The following EPHA6 variants were observed in gnomAD, a reference collection of about 807,000 sequenced individuals.
The protein encoded by EPHA6 is ephrin type-A receptor 6.
A neutral mutation model predicts 112.0 loss-of-function variants in EPHA6; 50 were observed. That is an observed-to-expected ratio of 0.45 (90% CI 0.36 to 0.56). EPHA6 has a LOEUF of 0.56. EPHA6 is among the 20% of genes least tolerant of loss of function. The pLI is 0.00. For synonymous variants in EPHA6, 529 were observed against 490.7 expected, an observed-to-expected ratio of 1.08 and a Z score of -1.03; for missense variants, 1,280 against 1,417.4, an observed-to-expected ratio of 0.90 and a Z score of 1.56.
intron 13 of EPHA6, among the ~76,000 whole-genome samples, chr3:97,628,806 T>C (rs1406110569): frequency 6.6e-6 from 1 of 152,054 alleles, no homozygotes; most frequent in Non-Finnish European, 1.5e-5. Context: ...TTAGCACACT[T>C]TTCTTGTAAA....
At chr3:97,533,708 C>G in intron 11 of EPHA6, among the ~76,000 whole-genome samples, 1 of 151,704 alleles carries the variant, frequency 6.6e-6, no homozygotes, top group South Asian at 2.1e-4. Context: ...TGTCCTCTTG[C>G]CACACTCTTT....
chr3:97,183,610 A>C (rs1360086934), intron 3 of EPHA6, among the ~76,000 whole-genome samples: 1 of 152,076 alleles, frequency 6.6e-6, no homozygotes. Flanking sequence ...TCAATATCTC[A>C]TGTTTTCTTT....
chr3:97,103,026 T>C (rs1318548210), intron 3 of EPHA6, among the ~76,000 whole-genome samples: 4 of 152,184 alleles, frequency 2.6e-5, no homozygotes, highest in African/African-American at 9.6e-5. Context: ...TGCTAGATAT[T>C]ACATCTTTGT....
At chr3:97,145,265 C>T (rs557816934) in intron 3 of EPHA6, among the ~76,000 whole-genome samples, 2 of 151,188 alleles carry the variant, frequency 1.3e-5, no homozygotes, top group African/African-American at 4.8e-5. Flanking sequence ...CACAAGAGAA[C>T]TTACTCTAAT....
intron 13 of EPHA6, among the ~76,000 whole-genome samples, chr3:97,616,675 G>A (rs1481987994): frequency 6.6e-6 from 1 of 151,806 alleles, no homozygotes; most frequent in Non-Finnish European, 1.5e-5. Context: ...ATAGAGGGAA[G>A]AATCTCAGAA....
At chr3:97,445,198 G>A (rs1050478011) in intron 6 of EPHA6, among the ~76,000 whole-genome samples, 2 of 151,976 alleles carry the variant, frequency 1.3e-5, no homozygotes, top group Admixed American at 6.6e-5. Context: ...CTCACAATTG[G>A]TGCTATTTTC....
chr3:97,039,837 T>C (rs2045251796), intron 3 of EPHA6, among the ~76,000 whole-genome samples: 2 of 152,042 alleles, frequency 1.3e-5, no homozygotes, highest in Admixed American at 1.3e-4. Flanking sequence ...CCTTGTAATA[T>C]AATTGGACAC....
At chr3:97,608,345 C>A (rs1560186028) in intron 12 of EPHA6, among the ~76,000 whole-genome samples, 2 of 151,212 alleles carry the variant, frequency 1.3e-5, no homozygotes, top group Non-Finnish European at 3.0e-5. Flanking sequence ...TAGATCAGAT[C>A]TTGTTGAAAT....
At chr3:97,508,023 T>G (rs1361972990) in intron 10 of EPHA6, among the ~76,000 whole-genome samples, 1 of 152,142 alleles carries the variant, frequency 6.6e-6, no homozygotes, top group Non-Finnish European at 1.5e-5. Context: ...TATCATTTTT[T>G]GGGTGTGTCT....
chr3:96,867,903 C>T (rs2036410069), intron 2 of EPHA6, among the ~76,000 whole-genome samples: 1 of 151,910 alleles, frequency 6.6e-6, no homozygotes, highest in African/African-American at 2.4e-5. Flanking sequence ...CTCTCTTTAA[C>T]AGCCCATTTG....
intron 10 of EPHA6, among the ~76,000 whole-genome samples, chr3:97,511,103 C>T (rs1161984658): frequency 6.6e-6 from 1 of 152,166 alleles, no homozygotes; most frequent in Admixed American, 6.5e-5. Flanking sequence ...TGGATCTTAG[C>T]TTTCTGGGCT....
intron 1 of EPHA6, among the ~76,000 whole-genome samples, chr3:96,863,507 T>C (rs968415730): frequency 2.0e-5 from 3 of 152,048 alleles, no homozygotes; most frequent in African/African-American, 7.2e-5. Context: ...ATTTGGAATC[T>C]TATTTTTTTA....
At chr3:97,008,965 T>C (rs943709771) in intron 3 of EPHA6, among the ~76,000 whole-genome samples, 1 of 152,130 alleles carries the variant, frequency 6.6e-6, no homozygotes, top group East Asian at 1.9e-4. Flanking sequence ...GAGATACCAT[T>C]CATGGAGGCT....
At chr3:97,612,336 G>T in intron 13 of EPHA6, 1 of 389,636 alleles carries the variant, frequency 2.6e-6, no homozygotes, top group South Asian at 2.0e-5. Flanking sequence ...CTTGGGTTAG[G>T]TTGGTTTTCT....
chr3:96,975,819 A>C (rs1410151110), intron 2 of EPHA6, among the ~76,000 whole-genome samples: 2 of 152,210 alleles, frequency 1.3e-5, no homozygotes, highest in African/African-American at 4.8e-5. Flanking sequence ...CATATAGGTC[A>C]TGAAAACAGA....
intron 3 of EPHA6, among the ~76,000 whole-genome samples, chr3:97,221,757 T>A (rs1191472447): frequency 4.6e-5 from 7 of 151,980 alleles, no homozygotes; most frequent in Non-Finnish European, 1.0e-4. Context: ...AAAGGCTGGG[T>A]GCGGTGGCTC....
intron 15 of EPHA6, among the ~76,000 whole-genome samples, chr3:97,726,780 C>G (rs929908490): frequency 6.6e-6 from 1 of 152,000 alleles, no homozygotes; most frequent in Admixed American, 6.6e-5. Context: ...ACCAAGGGCA[C>G]CGTGGTTCTT....
intron 11 of EPHA6, among the ~76,000 whole-genome samples, chr3:97,588,178 C>T (rs950304557): frequency 4.6e-5 from 7 of 151,908 alleles, no homozygotes; most frequent in Admixed American, 2.0e-4. Flanking sequence ...TTCTTTCTAC[C>T]GCCCATCTTC....
intron 2 of EPHA6, among the ~76,000 whole-genome samples, chr3:96,894,004 C>T (rs1030573551): frequency 2.0e-5 from 3 of 152,052 alleles, no homozygotes; most frequent in African/African-American, 7.2e-5. Flanking sequence ...ATGGATGAAA[C>T]GTCTCTATTC....
Sources: gnomAD v4.1 joint callset for allele counts (sites outside exome capture counted in the v4.1 genomes callset) on GRCh38, gnomAD v4.1.1 for gene constraint, MANE v1.5 for transcripts, NCBI Gene and HGNC (gene_info 2026-07-23, HGNC 2026-07-21) for gene names.